The following RUFY1 variants were observed in gnomAD, a reference collection of about 807,000 sequenced individuals.
RUFY1 encodes the protein RUN and FYVE domain-containing protein 1.
In RUFY1, 54 loss-of-function variants were observed where a neutral mutation model predicts 94.6. That is an observed-to-expected ratio of 0.57 (90% confidence interval 0.46 to 0.72). RUFY1 has a LOEUF of 0.72. Among genes scored for constraint, RUFY1 ranks in the 30% least tolerant of loss-of-function variants. The probability of loss-of-function intolerance (pLI) is 0.00; values close to 1 mark genes in which losing one functional copy is unlikely to be tolerated. For missense variants in RUFY1, 883 were observed against 883.9 expected (o/e 1.00, Z 0.01); for synonymous variants, 396 against 347.3 (o/e 1.14, Z -1.56).
At chr5:179,577,388 C>T (rs1763706677) in intron 6 of RUFY1, among the ~76,000 whole-genome samples, 1 of 151,254 alleles carries the variant, frequency 6.6e-6, no homozygotes, top group Non-Finnish European at 1.5e-5. Flanking sequence ...AGGCTGATCT[C>T]GAACTCCTGA....
At position 179,577,095 on chromosome 5, in the gene RUFY1, C is replaced by T. The variant is rs1489428214; in HGVS notation, c.849C>T (p.Ser283=). 1.3e-5 allele frequency: 21 copies of T among 1,599,260 alleles called. No homozygotes were observed. Among genetic ancestry groups the T allele is most frequent in the Non-Finnish European group, 1.8e-5 (21 of 1,169,830 alleles). Residue 283 remains serine (S), a synonymous_variant, in exon 6 of 18, where the codon TCC becomes TCT. Coordinates refer to ENST00000319449, the MANE Select transcript of RUFY1 (RefSeq NM_025158.5). The part of the protein sequence containing the change: ...LDSQVGVIDF[S]LYLKDVQDLD... ...TTTAGGTTGGAGTAATAGATTTTTC[C>T]CTCTACCTTAAGGATGTGCAGGATC...
At chr5:179,583,659 G>T (rs1476552815) in intron 7 of RUFY1, among the ~76,000 whole-genome samples, 1 of 151,096 alleles carries the variant, frequency 6.6e-6, no homozygotes, top group Non-Finnish European at 1.5e-5. Context: ...CACGTGATCC[G>T]CCCGCCTCGG....
At chr5:179,587,494 C>T (rs1223067864) in intron 8 of RUFY1, among the ~76,000 whole-genome samples, 4 of 150,014 alleles carry the variant, frequency 2.7e-5, no homozygotes, top group East Asian at 4.0e-4. Flanking sequence ...CGGGTTCACG[C>T]CATTCTCCTG....
intron 15 of RUFY1, among the ~76,000 whole-genome samples, chr5:179,605,536 G>T (rs1249565198): frequency 1.3e-5 from 2 of 152,186 alleles, no homozygotes; most frequent in Non-Finnish European, 2.9e-5. Flanking sequence ...GAGAGCGGTA[G>T]AGACTAGTGC....
rs370044389 is a variant in RUFY1, at chr5:179,558,638, C to G, written c.311-1387C>G. On this transcript the variant is annotated intron_variant, in intron 1 of 17. Coordinates refer to ENST00000319449, the MANE Select transcript of RUFY1 (RefSeq NM_025158.5). ...TACTTAAGCCACTTTTAACCCTCTCCACAACCAAGGTGAAATGCTTAGGCT... is the reference window on the plus strand; with the variant it reads ...TACTTAAGCCACTTTTAACCCTCTCGACAACCAAGGTGAAATGCTTAGGCT... Among the ~76,000 whole-genome samples the G allele has an allele frequency of 3.9e-5, 6 of 152,074 alleles. No homozygotes were observed. The East Asian group carries it at 1.2e-3, about 29-fold the overall frequency.
intron 1 of RUFY1, among the ~76,000 whole-genome samples, chr5:179,554,584 G>A (rs1393181765): frequency 6.6e-6 from 1 of 151,926 alleles, no homozygotes; most frequent in Non-Finnish European, 1.5e-5. Flanking sequence ...TCTGGTATGT[G>A]ATTGTATTGT....
rs370320088 is a variant in RUFY1, at chr5:179,567,516, C to T, written c.658C>T (p.Leu220=). Residue 220 remains leucine (L), a synonymous_variant, in exon 4 of 18, where the codon CTG becomes TTG. Coordinates refer to ENST00000319449, the MANE Select transcript of RUFY1 (RefSeq NM_025158.5). ...WLYLALMQKK[L]ADYLKVLIDN... is the part of the protein sequence containing the mutation. Reference sequence around the variant, plus strand: ...TTATCTTGCACTCATGCAAAAGAAACTGGCAGATTATCTGAAAGTGCTTAT... The same window carrying T: ...TTATCTTGCACTCATGCAAAAGAAATTGGCAGATTATCTGAAAGTGCTTAT... 4 of 1,613,894 alleles carry T rather than the reference C, an allele frequency of 2.5e-6. No homozygotes were observed. Among genetic ancestry groups the T allele is most frequent in the Non-Finnish European group, 3.4e-6 (4 of 1,179,838 alleles).
intron 1 of RUFY1, 101 bp from the exon 2 acceptor site, chr5:179,559,922 GAC>G: frequency 6.7e-7 from 1 of 1,482,554 alleles, no homozygotes; most frequent in South Asian, 1.4e-5. Flanking sequence ...TCCCTAAGCA[GAC>G]CGCCTGGCCT....
At chr5:179,599,465 C>T (rs1306820455) in intron 14 of RUFY1, 1 of 152,534 alleles carries the variant, frequency 6.6e-6, no homozygotes, top group South Asian at 2.1e-4. Context: ...GACCCCAGCC[C>T]TCCACTTCCC....
At chr5:179,559,727 C>T (rs1762292617) in intron 1 of RUFY1, 8 of 1,089,980 alleles carry the variant, frequency 7.3e-6, no homozygotes, top group Non-Finnish European at 8.9e-6. Flanking sequence ...AAGCCAAACG[C>T]GGCGAGTCTT....
intron 8 of RUFY1, chr5:179,586,508 T>G (rs1562044605): frequency 1.6e-5 from 7 of 449,900 alleles, no homozygotes; most frequent in Admixed American, 7.3e-5. Flanking sequence ...GCCTCCCACC[T>G]AGAAGGACAA....
At chr5:179,555,524 C>T (rs1762069155) in intron 1 of RUFY1, 1 of 287,048 alleles carries the variant, frequency 3.5e-6, no homozygotes, top group Admixed American at 4.3e-5. Flanking sequence ...AAAACACTGC[C>T]AGCAGCACTT....
chr5:179,561,749 C>A (rs1257876539), intron 2 of RUFY1, among the ~76,000 whole-genome samples: 1 of 117,726 alleles, frequency 8.5e-6, no homozygotes, highest in African/African-American at 3.3e-5. Flanking sequence ...GTGGTGCAAT[C>A]TCGGCTCACT....
In RUFY1 at chr5:179,567,485, G is replaced by T. The variant is rs146463794; in HGVS notation, c.627G>T (p.Ala209=). 1.1e-3 allele frequency: 1,808 copies of T among 1,613,898 alleles called. 28 individuals carry two copies. The African/African-American group carries it at 0.022, about 19-fold the overall frequency. Residue 209 remains alanine (A), a synonymous_variant, in exon 4 of 18, where the codon GCG becomes GCT. Transcript: ENST00000319449. ...ELKTAVGRGR[A]WLYLALMQKK... is the part of the protein sequence containing the mutation. ...GGACAGCTGTGGGAAGAGGCCGAGC[G>T]TGGCTTTATCTTGCACTCATGCAAA...
chr5:179,598,886 G>T, intron 14 of RUFY1, 65 bp downstream of exon 14: 1 of 1,583,590 alleles, frequency 6.3e-7, no homozygotes, highest in South Asian at 1.1e-5. Context: ...AACATGCTCC[G>T]GGCAGGCTCC....
chr5:179,563,460 C>T (rs376329008), intron 3 of RUFY1, among the ~76,000 whole-genome samples: 3 of 152,140 alleles, frequency 2.0e-5, no homozygotes, highest in Non-Finnish European at 2.9e-5. Flanking sequence ...GTAACTTGCC[C>T]GAGGTGCCTT....
At position 179,552,162 on chromosome 5, in the gene RUFY1, C is replaced by G. The variant is rs577423191; in HGVS notation, c.310+1283C>G. ...CCTGGGTGACAGAGCGAGACTCTGT[C>G]TCAAAAAAAAAAAAAAAAAAAAAAA... On this transcript the variant is annotated intron_variant, in intron 1 of 17. Coordinates refer to ENST00000319449, the MANE Select transcript of RUFY1 (RefSeq NM_025158.5). Among the ~76,000 whole-genome samples the G allele has an allele frequency of 5.0e-4, 7 of 13,864 alleles. 1 individual carries two copies. The South Asian group carries it at 0.044, about 88-fold the overall frequency. The allele number at this position is 13,864 out of a possible 152,430, so 9.1% of individuals were successfully genotyped here.
At chr5:179,553,670 A>G (rs1430867903) in intron 1 of RUFY1, among the ~76,000 whole-genome samples, 4 of 152,066 alleles carry the variant, frequency 2.6e-5, no homozygotes, top group Admixed American at 2.0e-4. Context: ...CGCACCTGTA[A>G]TCCCAGCTAC....
At chr5:179,573,264 T>A (rs1338447439) in intron 5 of RUFY1, among the ~76,000 whole-genome samples, 1 of 152,196 alleles carries the variant, frequency 6.6e-6, no homozygotes, top group Non-Finnish European at 1.5e-5. Context: ...TGAACATCGT[T>A]TTGTCAAATT....
Sources: allele counts gnomAD v4.1 joint callset (sites outside exome capture counted in the v4.1 genomes callset), GRCh38; gene constraint gnomAD v4.1.1; transcripts MANE v1.5; gene names NCBI Gene and HGNC (gene_info 2026-07-23, HGNC 2026-07-21).